Variants in TRIQK observed in about 807,000 individuals in gnomAD.
The protein encoded by TRIQK is triple QxxK/R motif containing.
Under a neutral mutation model 10.8 loss-of-function variants are expected in TRIQK, and 10 were observed. That is an observed-to-expected ratio of 0.92 (90% CI 0.57 to 1.57). The LOEUF is 1.57. TRIQK is among the 40% of genes most tolerant of loss of function. TRIQK has a pLI of 0.00. For missense variants in TRIQK, 107 were observed against 97.7 expected (o/e 1.09, Z -0.40); for synonymous variants, 33 against 33.7 (o/e 0.98, Z 0.07).
chr8:93,003,741 G>A (rs1813238863), intron 1 of TRIQK, among the ~76,000 whole-genome samples: 1 of 152,180 alleles, frequency 6.6e-6, no homozygotes, highest in South Asian at 2.1e-4. Flanking sequence ...GATACAATGA[G>A]CGTACAGGCA....
chr8:93,000,032 T>C (rs1277404499), intron 1 of TRIQK, among the ~76,000 whole-genome samples: 4 of 152,202 alleles, frequency 2.6e-5, no homozygotes, highest in Non-Finnish European at 2.9e-5. Context: ...ATGGTCTCTA[T>C]ATTTACTCAT....
intron 2 of TRIQK, among the ~76,000 whole-genome samples, chr8:92,917,255 T>G (rs1809912787): frequency 6.6e-6 from 1 of 151,992 alleles, no homozygotes; most frequent in Non-Finnish European, 1.5e-5. Flanking sequence ...ACTATCAGTG[T>G]TCCATTAAAC....
intron 2 of TRIQK, among the ~76,000 whole-genome samples, chr8:92,925,356 T>C (rs1029243499): frequency 3.3e-5 from 5 of 151,986 alleles, no homozygotes; most frequent in African/African-American, 1.2e-4. Flanking sequence ...GAAGAAAACA[T>C]AGTAGGATAT....
rs563639330 is a variant in TRIQK, at chr8:93,012,681, C to A, written c.-181+4928G>T. Among the ~76,000 whole-genome samples the A allele has an allele frequency of 3.3e-5, 5 of 152,252 alleles. No homozygotes were observed. The South Asian group carries it at 6.2e-4, about 19-fold the overall frequency. ...GCCGTTATAATTCACTATCTCCTAA[C>A]AAAGTGACGCACCAGCTTAAATCTT... On this transcript the variant is annotated intron_variant, in intron 1 of 4. Coordinates refer to the TRIQK transcript ENST00000520686.
At chr8:92,966,936 C>T (rs1468004623), upstream of TRIQK, among the ~76,000 whole-genome samples, 2 of 123,054 alleles carry the variant, frequency 1.6e-5, no homozygotes, top group African/African-American at 6.3e-5. Flanking sequence ...AGGCCAGCCC[C>T]ATCATATCTT....
intron 1 of TRIQK, among the ~76,000 whole-genome samples, chr8:92,984,545 T>C (rs1480562307): frequency 2.0e-5 from 3 of 152,164 alleles, no homozygotes; most frequent in African/African-American, 7.2e-5. Context: ...TAACTATTCA[T>C]CAAAGGATTG....
At position 92,905,636 on chromosome 8, in the gene TRIQK, G is replaced by A. The variant is rs534332437; in HGVS notation, c.61+11293C>T. The stretch of plus-strand genomic sequence containing the variant: ...ATGTAGGGGACCTGAAAAGTTCCTA[G>A]AGTTGAGTAGAGCATGGGACAATAA... On this transcript the variant is annotated intron_variant, in intron 3 of 4. Coordinates refer to ENST00000521988, the MANE Select transcript of TRIQK (RefSeq NM_001171797.2). Among the ~76,000 whole-genome samples the A allele has an allele frequency of 3.3e-5, 5 of 152,212 alleles. No homozygotes were observed. In the East Asian group the frequency reaches 9.7e-4, roughly 29 times the overall value.
intron 1 of TRIQK, among the ~76,000 whole-genome samples, chr8:92,955,956 T>C (rs1166313940): frequency 1.3e-5 from 2 of 151,800 alleles, no homozygotes; most frequent in Non-Finnish European, 3.0e-5. Flanking sequence ...CTTCATACAT[T>C]GCTGGTAGAA....
intron 4 of TRIQK, 28 bp from the exon 5 acceptor site, chr8:92,886,763 A>T: frequency 8.0e-7 from 1 of 1,256,660 alleles, no homozygotes; most frequent in East Asian, 2.5e-5. Context: ...GTAGACTTGA[A>T]ATTGATGAAA....
In TRIQK at chr8:92,995,845, T is replaced by A. The variant is rs553960340; in HGVS notation, c.-181+21764A>T. Among the ~76,000 whole-genome samples the A allele has an allele frequency of 5.3e-5, 8 of 152,206 alleles. No individual in the cohort carries two copies. In the South Asian group the frequency reaches 8.3e-4, roughly 16 times the overall value. ...GTTCTGCTTCATTCCTTTAGCATTA[T>A]CAATGTTTTCATTCATCTACTCATG... On this transcript the variant is annotated intron_variant, in intron 1 of 4. Transcript: ENST00000520686.
chr8:93,010,253 AAG>A (rs998532201), intron 1 of TRIQK, among the ~76,000 whole-genome samples: 8 of 152,154 alleles, frequency 5.3e-5, no homozygotes, highest in Non-Finnish European at 5.9e-5. Flanking sequence ...AAATAGCTAA[AAG>A]AGAGGATTTT....
At chr8:92,967,549 T>G (rs1812801183), upstream of TRIQK, among the ~76,000 whole-genome samples, 1 of 152,074 alleles carries the variant, frequency 6.6e-6, no homozygotes, top group African/African-American at 2.4e-5. Flanking sequence ...TGGCCAGGTG[T>G]GGTGGTTCAT....
chr8:92,931,416 A>G (rs952783945), intron 2 of TRIQK, among the ~76,000 whole-genome samples: 5 of 152,204 alleles, frequency 3.3e-5, no homozygotes, highest in African/African-American at 9.6e-5. Flanking sequence ...TGCTCTGTCA[A>G]TCTAAGAGGG....
intron 2 of TRIQK, among the ~76,000 whole-genome samples, chr8:92,924,627 A>C (rs1439329880): frequency 6.6e-6 from 1 of 151,916 alleles, no homozygotes; most frequent in Non-Finnish European, 1.5e-5. Context: ...AGTTCTCCAC[A>C]CTTAAGGAAA....
At chr8:92,994,029 T>TCCTGTTTC (rs1213967225) in intron 1 of TRIQK, among the ~76,000 whole-genome samples, 1 of 152,184 alleles carries the variant, frequency 6.6e-6, no homozygotes, top group Non-Finnish European at 1.5e-5. Context: ...CAAAGACTAT[T>TCCTGTTTC]CCTGTTTCTC....
chr8:92,998,202 T>A (rs1178269449), intron 1 of TRIQK, among the ~76,000 whole-genome samples: 1 of 152,014 alleles, frequency 6.6e-6, no homozygotes, highest in East Asian at 1.9e-4. Flanking sequence ...GATAAATGAA[T>A]GAATAATTAA....
chr8:92,929,866 G>T (rs902617939), intron 2 of TRIQK, among the ~76,000 whole-genome samples: 3 of 152,120 alleles, frequency 2.0e-5, no homozygotes, highest in South Asian at 2.1e-4. Context: ...TGTAAAAGAA[G>T]ATAGGTTAGT....
chr8:92,886,758 C>A, intron 4 of TRIQK, 23 bp from the exon 5 acceptor site: 1 of 1,316,998 alleles, frequency 7.6e-7, no homozygotes, highest in Non-Finnish European at 1.1e-6. Context: ...AAAAAGTAGA[C>A]TTGAAATTGA....
intron 3 of TRIQK, among the ~76,000 whole-genome samples, chr8:92,910,537 T>C (rs1170426949): frequency 2.0e-5 from 3 of 151,036 alleles, no homozygotes; most frequent in Non-Finnish European, 3.0e-5. Context: ...TAGTAAATTA[T>C]ATAGAATTAA....
Sources: gnomAD v4.1 joint callset for allele counts (sites outside exome capture counted in the v4.1 genomes callset) on GRCh38, gnomAD v4.1.1 for gene constraint, MANE v1.5 for transcripts, NCBI Gene and HGNC (gene_info 2026-07-23, HGNC 2026-07-21) for gene names.